The following CASZ1 variants were observed in gnomAD, a reference collection of about 807,000 sequenced individuals.
The protein encoded by CASZ1 is castor zinc finger 1.
A neutral mutation model predicts 135.2 loss-of-function variants in CASZ1; 28 were observed. The observed-to-expected ratio is 0.21, with a 90% CI of 0.15 to 0.28. The LOEUF (loss-of-function observed/expected upper bound fraction) is 0.28. CASZ1 is among the 10% of genes least tolerant of loss of function. The pLI, the probability that CASZ1 is intolerant of heterozygous loss-of-function variation, is 1.00. For synonymous variants in CASZ1, 1,068 were observed against 1,073.4 expected (o/e 0.99, Z 0.10); for missense variants, 2,161 against 2,453.3 (o/e 0.88, Z 2.52).
chr1:10,739,049 T>G lies in CASZ1; in HGVS notation c.-77+21652A>C, dbSNP rs1484177351. Among the ~76,000 whole-genome samples the G allele has an allele frequency of 6.6e-6, 1 of 151,872 alleles. No individual in the cohort carries two copies. The highest frequency in any genetic ancestry group is 1.5e-5 in the Non-Finnish European group (1 of 68,006). ...CTCTGAGAACCAGTCATAGGAAGCT[T>G]GGGCTCTGCTTCTTATTGAGTTCTT... On this transcript the variant is annotated intron_variant, in intron 2 of 20. Coordinates refer to ENST00000377022, the MANE Select transcript of CASZ1 (RefSeq NM_001079843.3). The surrounding 1 kb of genome is among the most constrained non-coding windows in gnomAD (Gnocchi z 4.8).
chr1:10,687,289 C>T (rs1386798534), intron 4 of CASZ1, among the ~76,000 whole-genome samples: 1 of 152,240 alleles, frequency 6.6e-6, no homozygotes, highest in Non-Finnish European at 1.5e-5. Context: ...TTCCCAGCTC[C>T]TGCCTTCTCC....
chr1:10,793,120 C>T (rs1477273722), intron 1 of CASZ1, among the ~76,000 whole-genome samples: 1 of 151,778 alleles, frequency 6.6e-6, no homozygotes, highest in East Asian at 1.9e-4. Flanking sequence ...ATTATTTAAA[C>T]ATAAGGGGAG....
chr1:10,688,202 C>T (rs1387290335), intron 4 of CASZ1, among the ~76,000 whole-genome samples: 1 of 152,102 alleles, frequency 6.6e-6, no homozygotes, highest in African/African-American at 2.4e-5. Context: ...AGTCCGAGTG[C>T]TGGGTCCTGG....
intron 1 of CASZ1, among the ~76,000 whole-genome samples, chr1:10,771,697 T>C (rs1466619699): frequency 1.3e-5 from 2 of 152,036 alleles, no homozygotes; most frequent in African/African-American, 4.8e-5. Context: ...CTCCTCCTCC[T>C]CACCAGCCCA....
intron 2 of CASZ1, among the ~76,000 whole-genome samples, chr1:10,749,063 G>A (rs1020285543): frequency 3.9e-5 from 6 of 152,166 alleles, no homozygotes; most frequent in African/African-American, 1.4e-4. Flanking sequence ...CCCAGCTTGG[G>A]AATGGGTTGG....
chr1:10,672,063 T>A (rs1050751499), intron 4 of CASZ1, among the ~76,000 whole-genome samples: 1 of 152,096 alleles, frequency 6.6e-6, no homozygotes, highest in African/African-American at 2.4e-5. Flanking sequence ...CAGCCCGAGG[T>A]GGGGGACCTG....
At chr1:10,784,855 C>T (rs1356812696) in intron 1 of CASZ1, among the ~76,000 whole-genome samples, 8 of 152,124 alleles carry the variant, frequency 5.3e-5, no homozygotes, top group Non-Finnish European at 8.8e-5. Flanking sequence ...CATGAACCAC[C>T]GCACCTGGCC....
intron 20 of CASZ1, 52 bp from the exon 21 acceptor site, chr1:10,640,111 T>C (rs201451822): frequency 5.1e-6 from 8 of 1,556,766 alleles, no homozygotes; most frequent in Non-Finnish European, 6.9e-6. Flanking sequence ...GTGGGCACCA[T>C]CAACAGGGTT....
chr1:10,640,552 C>T (rs892224499), intron 20 of CASZ1, among the ~76,000 whole-genome samples: 4 of 152,226 alleles, frequency 2.6e-5, no homozygotes, highest in African/African-American at 7.2e-5. Context: ...GGGGAGCTGC[C>T]TACTCACAGT....
In CASZ1 at chr1:10,726,918, G is replaced by A. The variant is rs939813954; in HGVS notation, c.-76-21374C>T. Among the ~76,000 whole-genome samples the A allele has an allele frequency of 1.9e-4, 29 of 152,176 alleles. No homozygotes were observed. Among genetic ancestry groups the A allele is most frequent in the Admixed American group, 1.6e-3 (24 of 15,282 alleles). ...AATCAGCACCTGCCAAACCCACTGA[G>A]GTGTCAGGTAAATAGCACCATGTGG... On this transcript the variant is annotated intron_variant, in intron 2 of 20. Transcript: ENST00000377022. This position sits in a 1 kb window ranked among gnomAD's most constrained non-coding sequence, Gnocchi z 5.7.
chr1:10,718,559 C>A (rs1229524413), intron 2 of CASZ1, among the ~76,000 whole-genome samples: 1 of 152,248 alleles, frequency 6.6e-6, no homozygotes. Context: ...ACTAGGCCCC[C>A]ACTTCTGGTT....
At chr1:10,703,872 G>A (rs1428365662) in intron 3 of CASZ1, among the ~76,000 whole-genome samples, 1 of 152,244 alleles carries the variant, frequency 6.6e-6, no homozygotes, top group African/African-American at 2.4e-5. Flanking sequence ...AGGCATGGCT[G>A]TGTTCCAATA....
At chr1:10,768,192 G>T (rs1294928070) in intron 1 of CASZ1, among the ~76,000 whole-genome samples, 1 of 151,848 alleles carries the variant, frequency 6.6e-6, no homozygotes, top group Non-Finnish European at 1.5e-5. Context: ...GGGCAGGGTG[G>T]GTCATTATTG....
chr1:10,653,191 A>T, intron 11 of CASZ1, 186 bp downstream of exon 11: 1 of 671,590 alleles, frequency 1.5e-6, no homozygotes, highest in South Asian at 1.7e-5. Flanking sequence ...GGGAGCCAGA[A>T]CCAGGGGCCC....
At chr1:10,779,278 A>T (rs1287254110) in intron 1 of CASZ1, among the ~76,000 whole-genome samples, 1 of 117,092 alleles carries the variant, frequency 8.5e-6, no homozygotes, top group Non-Finnish European at 1.6e-5. Flanking sequence ...ATAATTTTAT[A>T]ATTTTTTTTT....
intron 1 of CASZ1, among the ~76,000 whole-genome samples, chr1:10,785,915 G>T (rs567143142): frequency 6.6e-6 from 1 of 152,204 alleles, no homozygotes; most frequent in Non-Finnish European, 1.5e-5. Context: ...CATGGTCCAC[G>T]TGACGGGAAT....
chr1:10,724,516 G>T lies in CASZ1; in HGVS notation c.-76-18972C>A, dbSNP rs1247669402. Among the ~76,000 whole-genome samples, 1 of 152,226 alleles carries T rather than the reference G, an allele frequency of 6.6e-6. No individual in the cohort carries two copies. Among genetic ancestry groups the T allele is most frequent in the Non-Finnish European group, 1.5e-5 (1 of 68,048 alleles). ...CGGGAGCTAGAACAGTCCTGGTGGA[G>T]ATTCCCTTGAAATGGGTCAGGAAAG... On this transcript the variant is annotated intron_variant, in intron 2 of 20. Coordinates refer to ENST00000377022, the MANE Select transcript of CASZ1 (RefSeq NM_001079843.3). This position sits in a 1 kb window ranked among gnomAD's most constrained non-coding sequence, Gnocchi z 4.1.
intron 2 of CASZ1, among the ~76,000 whole-genome samples, chr1:10,731,383 G>A (rs188188956): frequency 6.6e-6 from 1 of 152,034 alleles, no homozygotes; most frequent in Admixed American, 6.6e-5. Flanking sequence ...AGGAGTTTGC[G>A]ACCAGCCTGG....
chr1:10,757,750 T>C lies in CASZ1; in HGVS notation c.-77+2951A>G, dbSNP rs1640287022. 6.6e-6 allele frequency among the ~76,000 whole-genome samples: 1 copy of C among 152,174 alleles called. No homozygotes were observed. Among genetic ancestry groups the C allele is most frequent in the Admixed American group, 6.5e-5 (1 of 15,280 alleles). The stretch of plus-strand genomic sequence containing the variant: ...TTGCAGTGAGCCAAGATTGCACTGC[T>C]GCACTCCAGCCTGGGTGACAGAGTG... On this transcript the variant is annotated intron_variant, in intron 2 of 20. Coordinates refer to ENST00000377022, the MANE Select transcript of CASZ1 (RefSeq NM_001079843.3). This position sits in a 1 kb window ranked among gnomAD's most constrained non-coding sequence, Gnocchi z 4.6.
Sources: gnomAD v4.1 joint callset for allele counts (sites outside exome capture counted in the v4.1 genomes callset) on GRCh38, gnomAD v4.1.1 for gene constraint, Gnocchi (gnomAD v3.1) non-coding constraint, MANE v1.5 for transcripts, NCBI Gene and HGNC (gene_info 2026-07-23, HGNC 2026-07-21) for gene names.